The following GAS7 variants were observed in gnomAD, a reference collection of about 807,000 sequenced individuals.
GAS7 encodes growth arrest-specific protein 7.
In GAS7, 28 loss-of-function variants were observed where a neutral mutation model predicts 71.1. That is an observed-to-expected ratio of 0.39 (90% CI 0.29 to 0.54). GAS7 has a LOEUF of 0.54. Among genes scored for constraint, GAS7 ranks in the 20% least tolerant of loss-of-function variants. The pLI is 0.62. For missense variants in GAS7, 436 were observed against 627.8 expected (o/e 0.69, Z 3.27); for synonymous variants, 258 against 245.8 (o/e 1.05, Z -0.46).
intron 7 of GAS7, among the ~76,000 whole-genome samples, chr17:9,941,512 G>A (rs376740759): frequency 2.6e-5 from 4 of 152,132 alleles, no homozygotes; most frequent in African/African-American, 4.8e-5. Context: ...CAAGCCAGGC[G>A]AGCTCCCAAT....
intron 1 of GAS7, among the ~76,000 whole-genome samples, chr17:10,160,338 T>C (rs1159344086): frequency 2.6e-5 from 4 of 152,244 alleles, no homozygotes; most frequent in Admixed American, 6.5e-5. Context: ...TGTTTCTCTT[T>C]GATTTTGTCC....
At chr17:10,087,738 G>C (rs765485964) in intron 1 of GAS7, among the ~76,000 whole-genome samples, 5 of 152,218 alleles carry the variant, frequency 3.3e-5, no homozygotes, top group Non-Finnish European at 2.9e-5. Flanking sequence ...AGAAAAGGAA[G>C]CAGTGCTGAA....
At chr17:9,949,421 A>G (rs895452226) in intron 5 of GAS7, among the ~76,000 whole-genome samples, 1 of 152,214 alleles carries the variant, frequency 6.6e-6, no homozygotes, top group African/African-American at 2.4e-5. Flanking sequence ...ATGTAGGCCC[A>G]ACAAACTCTT....
Position 10,019,818 on chromosome 17 carries a change from G to A in GAS7, c.263C>T (p.Ser88Leu), listed in dbSNP as rs764521353. The change falls in exon 2 of 14, where the codon TCG becomes TTG. Residue 88 changes from serine to leucine, a missense_variant. Transcript: ENST00000432992. ...ILPPGWQSYL[S>L]PQGRRYYVNT... ...GACATAGTACCGCCGGCCCTGAGGC[G>A]ACAGGTAGCTCTGCCAGCCAGGTGG... The A allele has an allele frequency of 1.4e-5, 22 of 1,613,908 alleles. No individual in the cohort carries two copies. Among genetic ancestry groups the A allele is most frequent in the Non-Finnish European group, 1.7e-5 (20 of 1,179,936 alleles).
intron 2 of GAS7, among the ~76,000 whole-genome samples, chr17:10,017,658 G>T (rs963529385): frequency 1.3e-5 from 2 of 152,092 alleles, no homozygotes; most frequent in Non-Finnish European, 2.9e-5. Flanking sequence ...ACACACACAA[G>T]TCATCTGAAA....
At chr17:10,180,445 G>A (rs562257155) in intron 1 of GAS7, among the ~76,000 whole-genome samples, 4 of 151,584 alleles carry the variant, frequency 2.6e-5, no homozygotes, top group Admixed American at 6.6e-5. Flanking sequence ...TAAACACCAC[G>A]CTCATCACCA....
intron 1 of GAS7, among the ~76,000 whole-genome samples, chr17:10,163,430 A>C (rs1360044827): frequency 6.6e-6 from 1 of 151,946 alleles, no homozygotes; most frequent in African/African-American, 2.4e-5. Context: ...TGGGCCAAAA[A>C]ATTTTTAATT....
rs555752939 is a variant in GAS7 at position 9,919,222 on chromosome 17, C to T, written c.1218+404G>A. Reference sequence around the variant, plus strand: ...CCTAGCTCCATCCTCACCCATCCATCCACTTTGCAAGGATCTCCTACCAAG... The same window carrying T: ...CCTAGCTCCATCCTCACCCATCCATTCACTTTGCAAGGATCTCCTACCAAG... On this transcript the variant is annotated intron_variant, in intron 12 of 13. Transcript: ENST00000432992. The surrounding 1 kb of genome is among the most constrained non-coding windows in gnomAD (Gnocchi z 5.0). Among the ~76,000 whole-genome samples, 136 of 152,268 alleles carry T rather than the reference C, an allele frequency of 8.9e-4. No homozygotes were observed. The highest frequency in any genetic ancestry group is 1.3e-3 in the Non-Finnish European group (87 of 68,010).
intron 4 of GAS7, among the ~76,000 whole-genome samples, chr17:9,965,319 T>C (rs899270532): frequency 6.6e-6 from 1 of 152,096 alleles, no homozygotes; most frequent in Non-Finnish European, 1.5e-5. Flanking sequence ...ATATACATAA[T>C]GGAATAGTAT....
chr17:10,098,043 C>CAAAAAAAA (rs34381280), intron 1 of GAS7, among the ~76,000 whole-genome samples: 28 of 136,832 alleles, frequency 2.0e-4, no homozygotes, highest in African/African-American at 7.5e-4. Context: ...GACTCCATCT[C>CAAAAAAAA]AAAAAAAAAA....
chr17:10,013,353 C>T (rs1052341029), intron 2 of GAS7, among the ~76,000 whole-genome samples: 19 of 152,204 alleles, frequency 1.2e-4, no homozygotes, highest in Non-Finnish European at 2.4e-4. Flanking sequence ...GTCTCCTTAA[C>T]ACTAGCTGAG....
Position 9,917,007 on chromosome 17 carries a change from C to A in GAS7, c.*221G>T, listed in dbSNP as rs1227673201. On this transcript the variant is annotated 3_prime_UTR_variant, in exon 14 of 14. Transcript: ENST00000432992. ...AGCATGGGAGTCAGGGGGTCTTCAG[C>A]CTCAGAGACAAGGGCAGGGCTGTGG... The A allele has an allele frequency of 1.7e-6, 1 of 577,490 alleles. No individual in the cohort carries two copies. The allele number at this position is 577,490 out of a possible 1,614,324, so 35.8% of individuals were successfully genotyped here.
At chr17:10,077,506 C>T (rs1178119268) in intron 1 of GAS7, among the ~76,000 whole-genome samples, 1 of 152,108 alleles carries the variant, frequency 6.6e-6, no homozygotes, top group Admixed American at 6.6e-5. Context: ...CTCAGAAAGG[C>T]CCAGGAAGGC....
chr17:10,101,343 G>A (rs1189875100), intron 1 of GAS7, among the ~76,000 whole-genome samples: 1 of 152,182 alleles, frequency 6.6e-6, no homozygotes, highest in African/African-American at 2.4e-5. Context: ...CTCTCCCTAG[G>A]ACAGCCAACC....
intron 1 of GAS7, among the ~76,000 whole-genome samples, chr17:10,037,322 T>G (rs1344780428): frequency 6.6e-6 from 1 of 152,230 alleles, no homozygotes; most frequent in Non-Finnish European, 1.5e-5. Context: ...TTCATGAATA[T>G]ATCCTATCAC....
intron 1 of GAS7, among the ~76,000 whole-genome samples, chr17:10,181,561 T>C (rs1429447962): frequency 6.6e-6 from 1 of 152,082 alleles, no homozygotes; most frequent in East Asian, 1.9e-4. Flanking sequence ...GATAACATCA[T>C]GCACGTGAAT....
chr17:10,051,364 A>C (rs2073059460), intron 1 of GAS7, among the ~76,000 whole-genome samples: 1 of 152,200 alleles, frequency 6.6e-6, no homozygotes, highest in Non-Finnish European at 1.5e-5. Context: ...ATTCTGACAT[A>C]AACTGAGCTG....
intron 1 of GAS7, among the ~76,000 whole-genome samples, chr17:10,050,988 C>T (rs1166035810): frequency 2.0e-5 from 3 of 152,114 alleles, no homozygotes; most frequent in Non-Finnish European, 4.4e-5. Context: ...ACTCAGTTGA[C>T]CACAGACATC....
rs1349087238 is a variant in GAS7 at position 10,147,960 on chromosome 17, T to C, written c.183+50248A>G. Among the ~76,000 whole-genome samples the C allele has an allele frequency of 2.0e-5, 3 of 152,204 alleles. No homozygotes were observed. In the East Asian group the frequency reaches 5.8e-4, roughly 29 times the overall value. ...TAACCTGGCCGCAAATCACAAATTCTGAACCTCCCATGTCCCCAGCTGAAA... is the reference window on the plus strand; with the variant it reads ...TAACCTGGCCGCAAATCACAAATTCCGAACCTCCCATGTCCCCAGCTGAAA... On this transcript the variant is annotated intron_variant, in intron 1 of 13. Coordinates refer to ENST00000432992, the MANE Select transcript of GAS7 (RefSeq NM_201433.2).
Sources: gnomAD v4.1 joint callset for allele counts (sites outside exome capture counted in the v4.1 genomes callset) on GRCh38, gnomAD v4.1.1 for gene constraint, Gnocchi (gnomAD v3.1) non-coding constraint, MANE v1.5 for transcripts, NCBI Gene and HGNC (gene_info 2026-07-23, HGNC 2026-07-21) for gene names.